Variants in UMAD1 observed in about 807,000 individuals in gnomAD.
UMAD1 encodes UBAP1-MVB12-associated (UMA)-domain containing protein 1.
UMAD1 carries 8 observed loss-of-function variants against 6.1 expected under a neutral mutation model. That is an observed-to-expected ratio of 1.30 (90% confidence interval 0.76 to 2.35). The LOEUF (loss-of-function observed/expected upper bound fraction) is 2.35, where lower values mean the gene tolerates loss of function less well. Ranked by LOEUF, UMAD1 falls within the 30% of genes most tolerant of loss-of-function variation. UMAD1 has a pLI of 0.00. For missense variants in UMAD1, 130 were observed against 78.4 expected (o/e 1.66, Z -2.49); for synonymous variants, 56 against 31.4 (o/e 1.78, Z -2.61).
chr7:7,831,725 ACCT>A (rs1436124121), intron 3 of UMAD1, among the ~76,000 whole-genome samples: 1 of 152,108 alleles, frequency 6.6e-6, no homozygotes. Flanking sequence ...TGCCTTTCAT[ACCT>A]CGTGGGAGTA....
chr7:7,737,377 T>A (rs1019408318), intron 2 of UMAD1, among the ~76,000 whole-genome samples: 10 of 152,226 alleles, frequency 6.6e-5, no homozygotes, highest in African/African-American at 2.4e-4. Context: ...GCTCAGTCAA[T>A]AGAAGTTTCC....
At chr7:7,760,878 T>G (rs78034576) in intron 2 of UMAD1, among the ~76,000 whole-genome samples, 2,576 of 152,262 alleles carry the variant, frequency 0.017, 70 homozygotes, top group African/African-American at 0.059. Flanking sequence ...ACAGCACTTT[T>G]GGGAATTTTT....
intron 3 of UMAD1, among the ~76,000 whole-genome samples, chr7:7,870,887 T>G (rs1220423569): frequency 1.3e-5 from 2 of 152,160 alleles, no homozygotes; most frequent in East Asian, 3.8e-4. Flanking sequence ...ATTCACATCA[T>G]CCTAGGAGGC....
rs566409761 is a variant in UMAD1, at chr7:7,846,928, G to T, written c.157-30353G>T. ...TGGTGGGGTCGGGGGAGGGGGTAGG[G>T]ATAGCATTGGGAGATATACCTAATG... On this transcript the variant is annotated intron_variant, in intron 3 of 3. Coordinates refer to ENST00000682710, the MANE Select transcript of UMAD1 (RefSeq NM_001302348.2). Among the ~76,000 whole-genome samples the T allele has an allele frequency of 2.6e-5, 3 of 116,810 alleles. No homozygotes were observed. The South Asian group carries it at 9.8e-4, about 38-fold the overall frequency. 76.6% of individuals were successfully genotyped at this position (116,810 alleles called of 152,430 possible).
chr7:7,817,115 A>G (rs145220815), intron 3 of UMAD1, among the ~76,000 whole-genome samples: 2 of 152,252 alleles, frequency 1.3e-5, no homozygotes, highest in East Asian at 3.9e-4. Context: ...AAGTTTGTGC[A>G]ATTTCTGTCA....
In UMAD1 at chr7:7,801,662, C is replaced by A. The variant is rs766087020; in HGVS notation, c.83-8C>A. ...GTTTTAAAAATAGACATATATTTTACTTCATAGGAGATACAACAGATGAGC... is the reference window on the plus strand; with the variant it reads ...GTTTTAAAAATAGACATATATTTTAATTCATAGGAGATACAACAGATGAGC... On this transcript the variant is annotated splice_polypyrimidine_tract_variant and splice_region_variant and intron_variant, in intron 2 of 3. Coordinates refer to ENST00000682710, the MANE Select transcript of UMAD1 (RefSeq NM_001302348.2). The A allele has an allele frequency of 2.2e-5, 16 of 716,510 alleles. No homozygotes were observed. The highest frequency in any genetic ancestry group is 4.2e-5 in the Non-Finnish European group (16 of 384,782). The allele number at this position is 716,510 out of a possible 1,614,324, so 44.4% of individuals were successfully genotyped here.
chr7:7,865,157 T>C (rs66485012), intron 3 of UMAD1, among the ~76,000 whole-genome samples: 108,032 of 152,048 alleles, frequency 0.71, 39,087 homozygotes, highest in Middle Eastern at 0.84. Context: ...ATTATCAACC[T>C]GGAGGAGGGG....
At chr7:7,797,632 A>G (rs1419359316) in intron 2 of UMAD1, among the ~76,000 whole-genome samples, 3 of 151,992 alleles carry the variant, frequency 2.0e-5, no homozygotes, top group African/African-American at 7.2e-5. Flanking sequence ...TGGGATCATG[A>G]TGATACTCTA....
At chr7:7,876,103 A>T (rs1482229370) in intron 3 of UMAD1, among the ~76,000 whole-genome samples, 1 of 152,222 alleles carries the variant, frequency 6.6e-6, no homozygotes, top group Non-Finnish European at 1.5e-5. Flanking sequence ...TATAAGTGAG[A>T]AAAGGCCTCA....
intron 2 of UMAD1, among the ~76,000 whole-genome samples, chr7:7,768,255 A>G (rs1405709890): frequency 1.3e-5 from 2 of 152,210 alleles, no homozygotes; most frequent in Non-Finnish European, 2.9e-5. Context: ...AAAAAATGGA[A>G]ACAGAAAAGC....
In UMAD1 at chr7:7,717,194, C is replaced by G. The variant is rs78217016; in HGVS notation, c.82+43741C>G. Among the ~76,000 whole-genome samples the G allele has an allele frequency of 5.3e-5, 8 of 151,980 alleles. No homozygotes were observed. In the East Asian group the frequency reaches 1.6e-3, roughly 30 times the overall value. On this transcript the variant is annotated intron_variant, in intron 2 of 3. Coordinates refer to ENST00000682710, the MANE Select transcript of UMAD1 (RefSeq NM_001302348.2). ...ACCTCTGCCTCCCGCGTAGCTGGGACTACCGGTATGCGCCACCACGCCCAG... is the reference window on the plus strand; with the variant it reads ...ACCTCTGCCTCCCGCGTAGCTGGGAGTACCGGTATGCGCCACCACGCCCAG...
chr7:7,822,403 C>T (rs772972671), intron 3 of UMAD1, among the ~76,000 whole-genome samples: 1 of 151,936 alleles, frequency 6.6e-6, no homozygotes, highest in Non-Finnish European at 1.5e-5. Flanking sequence ...CGAGCCTGGT[C>T]GTTTTGTTTT....
intron 2 of UMAD1, among the ~76,000 whole-genome samples, chr7:7,765,185 C>T (rs556743698): frequency 3.6e-4 from 55 of 152,206 alleles, no homozygotes; most frequent in African/African-American, 1.3e-3. Flanking sequence ...AGTTCCTTCA[C>T]TCATATCTTG....
intron 1 of UMAD1, among the ~76,000 whole-genome samples, chr7:7,661,138 T>C (rs1436178318): frequency 6.6e-6 from 1 of 152,196 alleles, no homozygotes; most frequent in Non-Finnish European, 1.5e-5. Context: ...TTCAGGAAGT[T>C]CTTGTGCTGT....
At chr7:7,814,076 C>A (rs1483681965) in intron 3 of UMAD1, among the ~76,000 whole-genome samples, 1 of 152,068 alleles carries the variant, frequency 6.6e-6, no homozygotes, top group African/African-American at 2.4e-5. Flanking sequence ...TTCCGCCTCC[C>A]AGGTTCAAGC....
chr7:7,760,920 A>C (rs1054575752), intron 2 of UMAD1, among the ~76,000 whole-genome samples: 3 of 152,096 alleles, frequency 2.0e-5, no homozygotes, highest in Admixed American at 6.5e-5. Context: ...TGAAGTATGG[A>C]GAAATTAGGG....
At chr7:7,730,733 A>G (rs1031275843) in intron 2 of UMAD1, among the ~76,000 whole-genome samples, 2 of 152,184 alleles carry the variant, frequency 1.3e-5, no homozygotes, top group African/African-American at 2.4e-5. Flanking sequence ...GGGAAAAAAA[A>G]CCCTCAAAAT....
At chr7:7,666,184 T>TTTTG (rs146878102) in intron 1 of UMAD1, among the ~76,000 whole-genome samples, 3,108 of 150,300 alleles carry the variant, frequency 0.021, 95 homozygotes, top group African/African-American at 0.066. Flanking sequence ...GGAAAGTGTT[T>TTTTG]TTTGTTTGTT....
chr7:7,659,627 CT>C (rs1434541816), intron 1 of UMAD1, among the ~76,000 whole-genome samples: 1 of 152,200 alleles, frequency 6.6e-6, no homozygotes, highest in Non-Finnish European at 1.5e-5. Flanking sequence ...GAGTGAGTTT[CT>C]TAATCCTGTG....
Sources: gnomAD v4.1 joint callset for allele counts (sites outside exome capture counted in the v4.1 genomes callset) on GRCh38, gnomAD v4.1.1 for gene constraint, MANE v1.5 for transcripts, NCBI Gene and HGNC (gene_info 2026-07-23, HGNC 2026-07-21) for gene names.